Variants in MICAL2 observed in about 807,000 individuals in gnomAD.
MICAL2 encodes [F-actin]-monooxygenase MICAL2.
MICAL2 carries 77 observed loss-of-function variants against 127.3 expected under a neutral mutation model. That is an observed-to-expected ratio of 0.60 (90% CI 0.50 to 0.73). The LOEUF is 0.73. MICAL2 is among the 30% of genes least tolerant of loss of function. The pLI is 0.00. For synonymous variants in MICAL2, 570 were observed against 551.1 expected (o/e 1.03, Z -0.48); for missense variants, 1,351 against 1,434.4 (o/e 0.94, Z 0.94).
chr11:12,353,010 A>G (rs1389551), intron 33 of MICAL2, among the ~76,000 whole-genome samples: 18,706 of 152,294 alleles, frequency 0.12, 1,389 homozygotes, highest in South Asian at 0.23. Context: ...TGCTTCTCCC[A>G]GAAAGTTCTC....
intron 26 of MICAL2, chr11:12,260,156 C>T: frequency 6.6e-7 from 1 of 1,521,912 alleles, no homozygotes; most frequent in Non-Finnish European, 8.8e-7. Context: ...AGGTGCTTCC[C>T]AGTCAAGCTC....
intron 5 of MICAL2, among the ~76,000 whole-genome samples, chr11:12,208,666 T>C (rs1172824076): frequency 6.6e-6 from 1 of 152,348 alleles, no homozygotes; most frequent in East Asian, 1.9e-4. Flanking sequence ...TATCATAATG[T>C]TTCTCTTTTT....
chr11:12,158,340 G>A (rs1176786031), intron 2 of MICAL2, among the ~76,000 whole-genome samples: 1 of 152,128 alleles, frequency 6.6e-6, no homozygotes, highest in Admixed American at 6.5e-5. Flanking sequence ...CTTTTGATAT[G>A]ATGATGTTTG....
rs377538018 is a variant in MICAL2 at position 12,260,435 on chromosome 11, AT to A, written c.3334+542del. The stretch of plus-strand genomic sequence containing the variant: ...CTGGGTTTACATTTCAATTTTTTTA[AT>A]TTTAATTAGCCCAGAGAAAGCATTT... On this transcript the variant is annotated intron_variant, in intron 26 of 27. Transcript: ENST00000683283. 1,429 of 1,208,682 alleles carry A rather than the reference AT, an allele frequency of 1.2e-3. 13 individuals carry two copies. Among genetic ancestry groups the A allele is most frequent in the African/African-American group, 0.011 (706 of 64,056 alleles). 74.9% of individuals were successfully genotyped at this position (1,208,682 alleles called of 1,614,324 possible). A position where few individuals can be genotyped will look rare whatever the true frequency, so the allele number is the denominator to read the frequency against.
rs182298464 is a variant in MICAL2 at position 12,260,441 on chromosome 11, A to G, written c.3334+544A>G. The G allele has an allele frequency of 1.8e-5, 21 of 1,197,114 alleles. No individual in the cohort carries two copies. In the South Asian group the frequency reaches 2.3e-4, roughly 13 times the overall value. 74.2% of individuals were successfully genotyped at this position (1,197,114 alleles called of 1,614,324 possible). A position where few individuals can be genotyped will look rare whatever the true frequency, so the allele number is the denominator to read the frequency against. On this transcript the variant is annotated intron_variant, in intron 26 of 27. Coordinates refer to ENST00000683283, the MANE Select transcript of MICAL2 (RefSeq NM_001282663.2). ...TTACATTTCAATTTTTTTAATTTTA[A>G]TTAGCCCAGAGAAAGCATTTTTTTC...
Position 12,242,402 on chromosome 11 carries a change from G to C in MICAL2, c.2526G>C (p.Arg842=). 6.8e-6 allele frequency: 11 copies of C among 1,609,222 alleles called. No homozygotes were observed. The highest frequency in any genetic ancestry group is 9.3e-6 in the Non-Finnish European group (11 of 1,176,700). The change falls in exon 19 of 28, where the codon CGG becomes CGC. Residue 842 remains arginine (R), a synonymous_variant. Transcript: ENST00000683283. ...AGGCTCTTTCCGGGGTGCTGTGGCG[G>C]CTGCAGCAAGTGGAGGAAAAGATTC... ...RAQALSGVLW[R]LQQVEEKILQ...
chr11:12,126,945 G>A (rs531700978), intron 1 of MICAL2, among the ~76,000 whole-genome samples: 1 of 152,142 alleles, frequency 6.6e-6, no homozygotes, highest in Non-Finnish European at 1.5e-5. Context: ...AGTGCAGATG[G>A]ATAAGTTGGG....
chr11:12,255,932 A>G (rs1167056494), intron 23 of MICAL2, 182 bp downstream of exon 23: 1 of 552,310 alleles, frequency 1.8e-6, no homozygotes, highest in African/African-American at 1.9e-5. Context: ...TTCCTTAAAG[A>G]CAGATCTCAC....
intron 2 of MICAL2, among the ~76,000 whole-genome samples, chr11:12,150,631 C>T (rs1245790846): frequency 6.6e-6 from 1 of 152,048 alleles, no homozygotes; most frequent in Non-Finnish European, 1.5e-5. Context: ...ACTTTGATGC[C>T]TCTTCCCCAG....
chr11:12,204,233 C>G lies in MICAL2; in HGVS notation c.265-17C>G, dbSNP rs747967702. The stretch of plus-strand genomic sequence containing the variant: ...CTAGAGGTTACCAAGAGTCTCTCTC[C>G]TCTCTCACCTCTGCAGTGTCTCATA... On this transcript the variant is annotated splice_polypyrimidine_tract_variant and intron_variant, in intron 3 of 27. Coordinates refer to ENST00000683283, the MANE Select transcript of MICAL2 (RefSeq NM_001282663.2). The G allele has an allele frequency of 5.1e-5, 83 of 1,612,228 alleles. No homozygotes were observed. In the East Asian group the frequency reaches 1.7e-3, roughly 32 times the overall value.
chr11:12,248,142 G>A (rs2134551064), intron 21 of MICAL2, among the ~76,000 whole-genome samples: 1 of 152,296 alleles, frequency 6.6e-6, no homozygotes, highest in East Asian at 1.9e-4. Context: ...GGGAGCCAGG[G>A]CTCTGCCTTC....
chr11:12,278,782 G>T (rs2134761526), intron 1 of MICAL2, among the ~76,000 whole-genome samples: 1 of 152,202 alleles, frequency 6.6e-6, no homozygotes, highest in East Asian at 1.9e-4. Context: ...TTTCCAGAGT[G>T]ACTGAATGGC....
chr11:12,248,600 A>C (rs1861092194), intron 21 of MICAL2, among the ~76,000 whole-genome samples: 1 of 152,246 alleles, frequency 6.6e-6, no homozygotes, highest in Admixed American at 6.5e-5. Flanking sequence ...CCAGGGTCAG[A>C]AGAGCACTGA....
chr11:12,343,856 A>G (rs1938910498), intron 32 of MICAL2, among the ~76,000 whole-genome samples: 1 of 152,250 alleles, frequency 6.6e-6, no homozygotes. Context: ...AGAAACATTA[A>G]ACAAATATCT....
intron 29 of MICAL2, chr11:12,308,283 G>C (rs79250305): frequency 6.6e-6 from 1 of 152,088 alleles, no homozygotes; most frequent in Non-Finnish European, 1.5e-5. Flanking sequence ...GTTTTCATAT[G>C]AATTTTAGAA....
At position 12,355,190 on chromosome 11, in the gene MICAL2, A is replaced by G. The variant is rs142302723; in HGVS notation, c.5689+333A>G. ...TGATGAAGAGCAAGTCCTGCCCTCT[A>G]GGAGTTTGTGGTCTCACTGGGGAGA... On this transcript the variant is annotated intron_variant, in intron 34 of 34. Transcript: ENST00000646065. Among the ~76,000 whole-genome samples the G allele has an allele frequency of 9.3e-4, 142 of 152,316 alleles. No homozygotes were observed. In the Middle Eastern group the frequency reaches 0.01, roughly 11 times the overall value.
intron 34 of MICAL2, among the ~76,000 whole-genome samples, chr11:12,357,522 C>A (rs1221853202): frequency 6.6e-6 from 1 of 152,168 alleles, no homozygotes. Flanking sequence ...AAACAAAAGG[C>A]TAGTTTGTCA....
In MICAL2 at chr11:12,137,686, T is replaced by C. The variant is rs181112065; in HGVS notation, c.-148-704T>C. ...TCCCTGGAGTATGAATATTGCCTCT[T>C]ATAGATGTCAAATTTCACACCTGTG... On this transcript the variant is annotated intron_variant, in intron 1 of 27. Transcript: ENST00000683283. 1.2e-4 allele frequency among the ~76,000 whole-genome samples: 18 copies of C among 152,330 alleles called. 1 individual carries two copies. The highest frequency in any genetic ancestry group is 7.3e-5 in the Non-Finnish European group (5 of 68,032).
chr11:12,340,849 A>G (rs1333686935), intron 32 of MICAL2, among the ~76,000 whole-genome samples: 2 of 152,250 alleles, frequency 1.3e-5, no homozygotes, highest in African/African-American at 2.4e-5. Flanking sequence ...TCTAAAGAAT[A>G]TACAGATTAA....
Sources: gnomAD v4.1 joint callset for allele counts (sites outside exome capture counted in the v4.1 genomes callset) on GRCh38, gnomAD v4.1.1 for gene constraint, MANE v1.5 for transcripts, NCBI Gene and HGNC (gene_info 2026-07-23, HGNC 2026-07-21) for gene names.